Variants in INPP5D observed in about 807,000 individuals in gnomAD.
The protein encoded by INPP5D is phosphatidylinositol 3,4,5-trisphosphate 5-phosphatase 1.
In INPP5D, 33 loss-of-function variants were observed where a neutral mutation model predicts 122.9. The observed-to-expected ratio is 0.27, with a 90% CI of 0.20 to 0.36. INPP5D has a LOEUF of 0.36. Ranked by LOEUF, INPP5D falls within the 10% of genes least tolerant of loss-of-function variation. INPP5D has a pLI of 1.00. For missense variants in INPP5D, 1,053 were observed against 1,412.7 expected, an observed-to-expected ratio of 0.75 and a Z score of 4.08; for synonymous variants, 584 against 576.2, an observed-to-expected ratio of 1.01 and a Z score of -0.19.
rs59435177 is a variant in INPP5D, at chr2:233,098,468, C to T, written c.198+19070C>T. 2.0e-5 allele frequency among the ~76,000 whole-genome samples: 3 copies of T among 152,304 alleles called. No homozygotes were observed. In the East Asian group the frequency reaches 5.8e-4, roughly 29 times the overall value. The stretch of plus-strand genomic sequence containing the variant: ...CACCAGGAAACTCTCAGGCCACAAC[C>T]TGTATATCTCTAGATAGTTCTGGTC... On this transcript the variant is annotated intron_variant, in intron 2 of 26. Coordinates refer to ENST00000445964, the MANE Select transcript of INPP5D (RefSeq NM_001017915.3).
At position 233,102,864 on chromosome 2, in the gene INPP5D, AC is replaced by A. The variant is rs1406664662; in HGVS notation, c.199-19242del. On this transcript the variant is annotated intron_variant, in intron 2 of 26. Coordinates refer to ENST00000445964, the MANE Select transcript of INPP5D (RefSeq NM_001017915.3). ...GACTCCGTCTCAAAAAAAAAAAAAA[AC>A]AACCAAAAAACCACAGCGCCTTCTC... 7.9e-4 allele frequency among the ~76,000 whole-genome samples: 117 copies of A among 148,880 alleles called. 1 individual carries two copies. In the South Asian group the frequency reaches 0.022, roughly 28 times the overall value.
intron 2 of INPP5D, among the ~76,000 whole-genome samples, chr2:233,114,873 T>A (rs887936455): frequency 1.0e-5 from 1 of 96,822 alleles, no homozygotes; most frequent in Admixed American, 9.1e-5. Flanking sequence ...TGTTTCCACT[T>A]TTTTTTTTTT....
intron 9 of INPP5D, 92 bp downstream of exon 9, chr2:233,147,686 G>GGTCT: frequency 1.5e-6 from 1 of 675,474 alleles, no homozygotes; most frequent in Non-Finnish European, 2.7e-6. Flanking sequence ...CTGCCCTGCA[G>GGTCT]GTCTGTCTTC....
intron 5 of INPP5D, among the ~76,000 whole-genome samples, chr2:233,132,209 C>G (rs1026460843): frequency 6.6e-6 from 1 of 152,220 alleles, no homozygotes; most frequent in African/African-American, 2.4e-5. Context: ...ATAACAAGCT[C>G]TTAGTTCTGC....
chr2:233,062,617 G>A (rs141397867), intron 1 of INPP5D, among the ~76,000 whole-genome samples: 9 of 152,206 alleles, frequency 5.9e-5, no homozygotes, highest in Admixed American at 4.6e-4. Flanking sequence ...GGTGCCTACA[G>A]ATGTCCACTA....
rs138059666 is a variant in INPP5D, at chr2:233,147,408, G to A, written c.907-63G>A. The A allele has an allele frequency of 2.8e-3, 1,948 of 696,472 alleles. 20 individuals carry two copies. Among genetic ancestry groups the A allele is most frequent in the East Asian group, 0.021 (781 of 37,174 alleles). 43.1% of individuals were successfully genotyped at this position (696,472 alleles called of 1,614,324 possible). On this transcript the variant is annotated intron_variant, in intron 8 of 26. Coordinates refer to ENST00000445964, the MANE Select transcript of INPP5D (RefSeq NM_001017915.3). ...AGCCATGTAGACAAGGGGTTCGGGC[G>A]GGGGAAGCCTTGCAAAAGCCCAGGC...
chr2:233,198,987 C>G (rs1044356023), intron 25 of INPP5D, among the ~76,000 whole-genome samples: 1 of 151,414 alleles, frequency 6.6e-6, no homozygotes, highest in Non-Finnish European at 1.5e-5. Context: ...CGGTGGCTCA[C>G]GCCTGTAATC....
At chr2:233,199,915 G>T (rs1695289337) in intron 25 of INPP5D, among the ~76,000 whole-genome samples, 2 of 152,352 alleles carry the variant, frequency 1.3e-5, no homozygotes, top group South Asian at 4.1e-4. Flanking sequence ...CAGGGTGGGA[G>T]TTTCCATGTA....
At chr2:233,123,216 G>A (rs1200152497) in intron 3 of INPP5D, among the ~76,000 whole-genome samples, 1 of 152,210 alleles carries the variant, frequency 6.6e-6, no homozygotes, top group Non-Finnish European at 1.5e-5. Flanking sequence ...AACACTTTGG[G>A]AAACAGAGGC....
chr2:233,106,871 G>A (rs1166316287), intron 2 of INPP5D, among the ~76,000 whole-genome samples: 1 of 152,194 alleles, frequency 6.6e-6, no homozygotes. Context: ...CCCTTGCTCT[G>A]ATCCTGGTGA....
Position 233,204,410 on chromosome 2 carries a change from C to CGAA in INPP5D, c.3261_3262insAAG (p.Thr1087_Cys1088insLys), listed in dbSNP as rs1559351270. 1 of 1,610,374 alleles carries CGAA rather than the reference C, an allele frequency of 6.2e-7. No homozygotes were observed. The highest frequency in any genetic ancestry group is 1.1e-5 in the South Asian group (1 of 90,836). On this transcript the variant is annotated inframe_insertion, in exon 26 of 27. Coordinates refer to ENST00000445964, the MANE Select transcript of INPP5D (RefSeq NM_001017915.3). ...CCCGCGCCCCGGCTGCGCTCCTTCA[C>CGAA]GTGCTCATCCTCTGCCGAGGGCAGG...
chr2:233,108,971 CA>C (rs1184134244), intron 2 of INPP5D, among the ~76,000 whole-genome samples: 1 of 152,246 alleles, frequency 6.6e-6, no homozygotes, highest in Non-Finnish European at 1.5e-5. Context: ...CAGAGACCCA[CA>C]AAAGAGTGCA....
chr2:233,089,475 G>A (rs957567701), intron 2 of INPP5D, among the ~76,000 whole-genome samples: 2 of 152,318 alleles, frequency 1.3e-5, no homozygotes, highest in South Asian at 2.1e-4. Context: ...AGCCTGGGGC[G>A]CTGGGCTGGA....
chr2:233,063,043 C>T (rs1334657916), intron 1 of INPP5D, among the ~76,000 whole-genome samples: 4 of 151,998 alleles, frequency 2.6e-5, no homozygotes, highest in Non-Finnish European at 5.9e-5. Context: ...AAAAACAAAC[C>T]CTACCACCCT....
At chr2:233,085,327 A>C (rs1183296415) in intron 2 of INPP5D, among the ~76,000 whole-genome samples, 1 of 151,986 alleles carries the variant, frequency 6.6e-6, no homozygotes, top group Admixed American at 6.6e-5. Flanking sequence ...CAGAGGCTGC[A>C]GCGAGCTGAG....
intron 1 of INPP5D, among the ~76,000 whole-genome samples, chr2:233,072,758 G>C (rs1691414387): frequency 6.6e-6 from 1 of 152,178 alleles, no homozygotes; most frequent in Admixed American, 6.5e-5. Flanking sequence ...AAACAATCAT[G>C]CATAGTTTTG....
At chr2:233,161,438 G>A (rs1694195711) in intron 10 of INPP5D, among the ~76,000 whole-genome samples, 1 of 152,174 alleles carries the variant, frequency 6.6e-6, no homozygotes, top group Non-Finnish European at 1.5e-5. Flanking sequence ...CAGTAAGGTT[G>A]CTTCTGATTT....
intron 1 of INPP5D, among the ~76,000 whole-genome samples, chr2:233,074,458 G>A (rs1691462660): frequency 6.6e-6 from 1 of 152,154 alleles, no homozygotes; most frequent in South Asian, 2.1e-4. Flanking sequence ...CCTTCTGGAG[G>A]GGTCCATGTT....
chr2:233,168,263 G>A (rs1480790905), intron 13 of INPP5D, among the ~76,000 whole-genome samples: 1 of 152,186 alleles, frequency 6.6e-6, no homozygotes, highest in African/African-American at 2.4e-5. Context: ...ATATTTTACA[G>A]TCTGTGTTTC....
Sources: gnomAD v4.1 joint callset for allele counts (sites outside exome capture counted in the v4.1 genomes callset) on GRCh38, gnomAD v4.1.1 for gene constraint, MANE v1.5 for transcripts, NCBI Gene and HGNC (gene_info 2026-07-23, HGNC 2026-07-21) for gene names.